Variants in ENPP5 observed in about 807,000 individuals in gnomAD.
ENPP5 encodes the protein E-NPP 5.
In ENPP5, 27 loss-of-function variants were observed where a neutral mutation model predicts 33.7. The ratio of observed to expected loss-of-function variants is 0.80; its 90% CI spans 0.59 to 1.11. The LOEUF is 1.11. ENPP5 is among the 50% of genes least tolerant of loss of function. The pLI is 0.00. For synonymous variants in ENPP5, 199 were observed against 200.5 expected (o/e 0.99, Z 0.06); for missense variants, 552 against 579.2 (o/e 0.95, Z 0.48).
rs1323560696 is a variant in ENPP5, at chr6:46,159,576, C to T, written c.*1750G>A. 1 of 146,016 alleles carries T rather than the reference C, an allele frequency of 6.8e-6. No individual in the cohort carries two copies. Among genetic ancestry groups the T allele is most frequent in the Non-Finnish European group, 1.5e-5 (1 of 65,446 alleles). 9.0% of individuals were successfully genotyped at this position (146,016 alleles called of 1,614,324 possible). On this transcript the variant is annotated 3_prime_UTR_variant, in exon 5 of 5. Coordinates refer to ENST00000371383, the MANE Select transcript of ENPP5 (RefSeq NM_001290072.2). ...CAGCTTTTTAATCTATAGGCCATTT[C>T]CAATTATTTGATTCTATTCTATTAA...
rs752514757 is a variant in ENPP5 at position 46,160,821 on chromosome 6, G to A, written c.*505C>T. The A allele has an allele frequency of 4.4e-4, 69 of 155,068 alleles. No homozygotes were observed. Among genetic ancestry groups the A allele is most frequent in the Non-Finnish European group, 6.0e-4 (42 of 69,472 alleles). The allele number at this position is 155,068 out of a possible 1,614,324, so 9.6% of individuals were successfully genotyped here. A position where few individuals can be genotyped will look rare whatever the true frequency, so the allele number is the denominator to read the frequency against. On this transcript the variant is annotated 3_prime_UTR_variant, in exon 5 of 5. Transcript: ENST00000371383. ...CACCTTCTTCTTCTCTCAATTTATG[G>A]AGATAGATTTCTACGTTCATTATTC...
chr6:46,163,293 G>T (rs1203617562), intron 4 of ENPP5, among the ~76,000 whole-genome samples: 4 of 150,688 alleles, frequency 2.7e-5, no homozygotes, highest in Non-Finnish European at 5.9e-5. Context: ...ATATACATGT[G>T]CCATGCTGGT....
At position 46,161,334 on chromosome 6, in the gene ENPP5, G is replaced by C. The variant is rs771615362; in HGVS notation, c.1426C>G (p.Gln476Glu). Reference sequence around the variant, plus strand: ...TCCACTTCAAAGTAACATTAGGCTTGTAATAATGGTTGAGCTATTTCAGCA... The same window carrying C: ...TCCACTTCAAAGTAACATTAGGCTTCTAATAATGGTTGAGCTATTTCAGCA... ...MHAEIAQPLL[Q>E]A Residue 476 changes from glutamine (Q) to glutamate (E), a missense_variant, in exon 5 of 5, where the codon CAA becomes GAA. Physicochemically the swap from Gln to Glu is conservative, Grantham distance 29 (BLOSUM62 2). Coordinates refer to ENST00000371383, the MANE Select transcript of ENPP5 (RefSeq NM_001290072.2). The C allele has an allele frequency of 6.2e-7, 1 of 1,609,620 alleles. No homozygotes were observed. Among genetic ancestry groups the C allele is most frequent in the Non-Finnish European group, 8.5e-7 (1 of 1,177,302 alleles).
rs1220605414 is a variant in ENPP5 at position 46,168,074 on chromosome 6, T to C, written c.189A>G (p.Gln63=). The change falls in exon 3 of 5, where the codon CAA becomes CAG. Residue 63 remains glutamine (Q), a synonymous_variant. Coordinates refer to ENST00000371383, the MANE Select transcript of ENPP5 (RefSeq NM_001290072.2). ...TTTTTGTAATAAAAACATTAGTAAC[T>C]TGCTTCACGTGAACACCATATTTCA... ...YIMKYGVHVK[Q]VTNVFITKTY... is the part of the protein sequence containing the mutation. The C allele has an allele frequency of 3.7e-6, 6 of 1,614,038 alleles. No homozygotes were observed. Among genetic ancestry groups the C allele is most frequent in the Admixed American group, 1.7e-5 (1 of 60,016 alleles).
chr6:46,161,209 A>C lies in ENPP5; in HGVS notation c.*117T>G, dbSNP rs1764380961. On this transcript the variant is annotated 3_prime_UTR_variant, in exon 5 of 5. Transcript: ENST00000371383. ...TGTGTGTGTGTATACCTAAATATGT[A>C]ACTGCTTAATGGTTTCTGCAAATGT... The C allele has an allele frequency of 1.3e-6, 1 of 771,678 alleles. No individual in the cohort carries two copies. Among genetic ancestry groups the C allele is most frequent in the Non-Finnish European group, 2.1e-6 (1 of 485,954 alleles). The allele number at this position is 771,678 out of a possible 1,614,324, so 47.8% of individuals were successfully genotyped here.
Position 46,161,379 on chromosome 6 carries a change from G to T in ENPP5, c.1381C>A (p.Pro461Thr). ...FIKHLIHSQI[P>T]ALQDMHAEIA... ...TCAGCATGCATATCTTGTAAGGCAG[G>T]TATTTGACTGTGAATTAAATGCTTA... Residue 461 changes from proline (P) to threonine (T), a missense_variant, in exon 5 of 5, where the codon CCT becomes ACT. Transcript: ENST00000371383. 2 of 1,613,620 alleles carry T rather than the reference G, an allele frequency of 1.2e-6. No individual in the cohort carries two copies. Among genetic ancestry groups the T allele is most frequent in the Middle Eastern group, 1.7e-4 (1 of 6,016 alleles).
Position 46,161,390 on chromosome 6 carries a change from T to C in ENPP5, c.1370A>G (p.His457Arg), listed in dbSNP as rs761741298. ...FFVIFIKHLI[H>R]SQIPALQDMH... ...ATCTTGTAAGGCAGGTATTTGACTG[T>C]GAATTAAATGCTTAATGAAAATTAC... The change falls in exon 5 of 5, where the codon CAC becomes CGC. Residue 457 changes from histidine to arginine, a missense_variant. His to Arg is a conservative substitution (Grantham distance 29, BLOSUM62 0). Coordinates refer to ENST00000371383, the MANE Select transcript of ENPP5 (RefSeq NM_001290072.2). 4 of 1,613,724 alleles carry C rather than the reference T, an allele frequency of 2.5e-6. No individual in the cohort carries two copies. Among genetic ancestry groups the C allele is most frequent in the Non-Finnish European group, 3.4e-6 (4 of 1,179,694 alleles).
intron 4 of ENPP5, among the ~76,000 whole-genome samples, chr6:46,163,557 G>A (rs1040975502): frequency 1.3e-5 from 2 of 151,940 alleles, no homozygotes; most frequent in African/African-American, 2.4e-5. Flanking sequence ...CCAGTAATGG[G>A]ATGGCTGAGT....
rs533382054 is a variant in ENPP5, at chr6:46,167,654, G to A, written c.609C>T (p.Leu203=). 1.4e-5 allele frequency: 22 copies of A among 1,614,014 alleles called. No homozygotes were observed. The highest frequency in any genetic ancestry group is 1.7e-5 in the Admixed American group (1 of 60,012). The change falls in exon 3 of 5, where the codon CTC becomes CTT. Residue 203 remains leucine (L), a synonymous_variant. Coordinates refer to ENST00000371383, the MANE Select transcript of ENPP5 (RefSeq NM_001290072.2). The stretch of plus-strand genomic sequence containing the variant: ...CAATATCTGAAATGACAGGCCCCAT[G>A]AGCGGACTGTCAGGTCCCAAATGGT... The part of the protein sequence containing the change: ...MGHHLGPDSP[L]MGPVISDIDK...
rs200453493 is a variant in ENPP5, at chr6:46,161,360, T to C, written c.1400A>G (p.His467Arg). Residue 467 changes from histidine (H) to arginine (R), a missense_variant, in exon 5 of 5, where the codon CAT (histidine) becomes CGT (arginine). His to Arg is a conservative substitution (Grantham distance 29, BLOSUM62 0). Transcript: ENST00000371383. ...HSQIPALQDMHAEIAQPLLQA is the reference protein window; with the variant it reads ...HSQIPALQDMRAEIAQPLLQA Reference sequence around the variant, plus strand: ...TAATAATGGTTGAGCTATTTCAGCATGCATATCTTGTAAGGCAGGTATTTG... The same window carrying C: ...TAATAATGGTTGAGCTATTTCAGCACGCATATCTTGTAAGGCAGGTATTTG... The C allele has an allele frequency of 1.9e-6, 3 of 1,613,642 alleles. No homozygotes were observed. The highest frequency in any genetic ancestry group is 1.1e-5 in the South Asian group (1 of 91,050).
chr6:46,167,141 G>T (rs1484273099), intron 3 of ENPP5, among the ~76,000 whole-genome samples: 1 of 152,068 alleles, frequency 6.6e-6, no homozygotes, highest in African/African-American at 2.4e-5. Flanking sequence ...CAATTTTTCT[G>T]AGAAGGGAGG....
intron 3 of ENPP5, among the ~76,000 whole-genome samples, chr6:46,166,668 A>G (rs1764556553): frequency 9.4e-6 from 1 of 106,444 alleles, no homozygotes; most frequent in Admixed American, 9.4e-5. Context: ...TCGCTGTTTC[A>G]TATGATTCTA....
rs1764380356 is a variant in ENPP5, at chr6:46,161,195, A to G, written c.*131T>C. The G allele has an allele frequency of 6.1e-6, 4 of 655,250 alleles. No homozygotes were observed. The highest frequency in any genetic ancestry group is 3.9e-5 in the South Asian group (2 of 51,598). The allele number at this position is 655,250 out of a possible 1,614,324, so 40.6% of individuals were successfully genotyped here. ...TGTATGTGTGTGTGTGTGTGTGTGT[A>G]TACCTAAATATGTAACTGCTTAATG... On this transcript the variant is annotated 3_prime_UTR_variant, in exon 5 of 5. Coordinates refer to ENST00000371383, the MANE Select transcript of ENPP5 (RefSeq NM_001290072.2).
At chr6:46,169,191 C>T (rs1386149000) in intron 2 of ENPP5, among the ~76,000 whole-genome samples, 2 of 152,080 alleles carry the variant, frequency 1.3e-5, no homozygotes, top group Non-Finnish European at 1.5e-5. Flanking sequence ...GCTAATAAGA[C>T]GCTGTATGGA....
At chr6:46,170,396 T>TC (rs1167449050) in intron 1 of ENPP5, among the ~76,000 whole-genome samples, 1 of 151,890 alleles carries the variant, frequency 6.6e-6, no homozygotes, top group Non-Finnish European at 1.5e-5. Context: ...CAGAATTTTT[T>TC]TTTTTTTCGT....
chr6:46,161,406 T>A lies in ENPP5; in HGVS notation c.1354A>T (p.Ile452Phe), dbSNP rs763161520. 5.0e-6 allele frequency: 8 copies of A among 1,613,658 alleles called. No homozygotes were observed. The highest frequency in any genetic ancestry group is 5.1e-6 in the Non-Finnish European group (6 of 1,179,778). The change falls in exon 5 of 5, where the codon ATT (isoleucine) becomes TTT (phenylalanine). Residue 452 changes from isoleucine to phenylalanine, a missense_variant. Coordinates refer to ENST00000371383, the MANE Select transcript of ENPP5 (RefSeq NM_001290072.2). ...IIVIVFFVIF[I>F]KHLIHSQIPA... ...ATTTGACTGTGAATTAAATGCTTAA[T>A]GAAAATTACAAAAAATACAATCACT... is the stretch of plus-strand genomic sequence containing the variant.
intron 4 of ENPP5, among the ~76,000 whole-genome samples, chr6:46,163,447 A>C (rs1764447477): frequency 7.1e-6 from 1 of 141,798 alleles, no homozygotes; most frequent in Non-Finnish European, 1.5e-5. Flanking sequence ...ATTCCCACCT[A>C]TGAGTGAGAA....
rs1397374773 is a variant in ENPP5 at position 46,167,861 on chromosome 6, A to G, written c.402T>C (p.Ser134=). Residue 134 remains serine (S), a synonymous_variant, in exon 3 of 5, where the codon AGT becomes AGC. Coordinates refer to ENST00000371383, the MANE Select transcript of ENPP5 (RefSeq NM_001290072.2). ...CTGTTCCGGGCCACATGGCTGCACCACTAGTATGTCCTGCCCTCTGGTTTG... is the reference window on the plus strand; with the variant it reads ...CTGTTCCGGGCCACATGGCTGCACCGCTAGTATGTCCTGCCCTCTGGTTTG... ...WITNQRAGHT[S]GAAMWPGTDV... is the part of the protein sequence containing the mutation. The G allele has an allele frequency of 1.2e-6, 2 of 1,614,216 alleles. No homozygotes were observed. Among genetic ancestry groups the G allele is most frequent in the Middle Eastern group, 1.6e-4 (1 of 6,062 alleles).
intron 4 of ENPP5, among the ~76,000 whole-genome samples, chr6:46,163,540 T>G (rs551863881): frequency 6.6e-6 from 1 of 152,238 alleles, no homozygotes; most frequent in East Asian, 1.9e-4. Context: ...TTGTAGGGCA[T>G]GTATACCCAG....
Sources: allele counts gnomAD v4.1 joint callset (sites outside exome capture counted in the v4.1 genomes callset), GRCh38; gene constraint gnomAD v4.1.1; transcripts MANE v1.5; gene names NCBI Gene and HGNC (gene_info 2026-07-23, HGNC 2026-07-21).